Variants in MARCHF8 observed in about 807,000 individuals in gnomAD.
MARCHF8 encodes the protein membrane associated ring-CH-type finger 8, also known as E3 ubiquitin-protein ligase MARCHF8.
Under a neutral mutation model 51.6 loss-of-function variants are expected in MARCHF8, and 40 were observed. That is an observed-to-expected ratio of 0.77 (90% CI 0.60 to 1.01). The LOEUF is 1.01. Ranked by LOEUF, MARCHF8 falls within the 50% of genes least tolerant of loss-of-function variation. MARCHF8 has a pLI of 0.00. For missense variants in MARCHF8, 685 were observed against 708.6 expected (o/e 0.97, Z 0.38); for synonymous variants, 263 against 280.3 (o/e 0.94, Z 0.62).
chr10:45,591,556 T>C (rs1245421661), intron 1 of MARCHF8, among the ~76,000 whole-genome samples: 2 of 152,048 alleles, frequency 1.3e-5, no homozygotes, highest in South Asian at 2.1e-4. Flanking sequence ...AAGGAAGAAG[T>C]ACACAGGAGG....
At chr10:45,531,793 T>C (rs1430474498) in intron 2 of MARCHF8, among the ~76,000 whole-genome samples, 1 of 152,190 alleles carries the variant, frequency 6.6e-6, no homozygotes, top group Non-Finnish European at 1.5e-5. Flanking sequence ...ACTCTTCTTA[T>C]GGGACTCAGT....
chr10:45,492,303 T>TC (rs1263833420), intron 2 of MARCHF8, among the ~76,000 whole-genome samples: 4 of 151,814 alleles, frequency 2.6e-5, no homozygotes, highest in African/African-American at 7.3e-5. Context: ...TCTTCTTTTT[T>TC]TTTTTCTTTT....
chr10:45,535,071 T>C (rs939698202), intron 1 of MARCHF8, 140 bp downstream of exon 1: 1 of 152,216 alleles, frequency 6.6e-6, no homozygotes, highest in Non-Finnish European at 1.5e-5. Flanking sequence ...GAATAGGGGA[T>C]GTTAGTGTCT....
intron 3 of MARCHF8, among the ~76,000 whole-genome samples, chr10:45,484,004 G>A (rs920786551): frequency 2.0e-5 from 3 of 152,124 alleles, no homozygotes; most frequent in Non-Finnish European, 4.4e-5. Context: ...ACAGAGTAGG[G>A]TGACTACAGT....
chr10:45,487,542 C>A (rs1463623987), intron 3 of MARCHF8, among the ~76,000 whole-genome samples: 2 of 152,128 alleles, frequency 1.3e-5, no homozygotes, highest in Admixed American at 1.3e-4. Context: ...TTAAAAGGTG[C>A]AAAAATGGGC....
chr10:45,548,863 C>T (rs914382381), intron 1 of MARCHF8, among the ~76,000 whole-genome samples: 1 of 151,908 alleles, frequency 6.6e-6, no homozygotes, highest in Non-Finnish European at 1.5e-5. Context: ...AGAGTAGTGG[C>T]AGGCGCCTGT....
At chr10:45,525,571 A>G (rs1020235319) in intron 2 of MARCHF8, among the ~76,000 whole-genome samples, 1 of 152,214 alleles carries the variant, frequency 6.6e-6, no homozygotes, top group Non-Finnish European at 1.5e-5. Flanking sequence ...CATTCTTTAA[A>G]GTGGGCTATG....
At chr10:45,547,201 G>A (rs560300251) in intron 1 of MARCHF8, among the ~76,000 whole-genome samples, 1 of 152,218 alleles carries the variant, frequency 6.6e-6, no homozygotes, top group Admixed American at 6.5e-5. Flanking sequence ...AGTATATGAA[G>A]AAACTAAAAA....
At chr10:45,503,568 T>A (rs932213700) in intron 2 of MARCHF8, among the ~76,000 whole-genome samples, 5 of 148,522 alleles carry the variant, frequency 3.4e-5, no homozygotes, top group Non-Finnish European at 7.5e-5. Context: ...AATAAATAAA[T>A]AAAATAAAAA....
chr10:45,468,206 C>T (rs144778660), intron 3 of MARCHF8, among the ~76,000 whole-genome samples: 11 of 152,232 alleles, frequency 7.2e-5, no homozygotes, highest in East Asian at 3.9e-4. Flanking sequence ...AAAGAACATA[C>T]GGGGAAAAAA....
At chr10:45,519,335 G>C (rs1439993923) in intron 2 of MARCHF8, among the ~76,000 whole-genome samples, 1 of 152,178 alleles carries the variant, frequency 6.6e-6, no homozygotes, top group African/African-American at 2.4e-5. Flanking sequence ...ACAGATGCTA[G>C]TTTCTTGTAT....
intron 2 of MARCHF8, among the ~76,000 whole-genome samples, chr10:45,517,778 C>T (rs2043644061): frequency 1.3e-5 from 2 of 152,240 alleles, no homozygotes; most frequent in African/African-American, 4.8e-5. Context: ...CAGTGCCCTT[C>T]ACATTTTCTT....
At chr10:45,536,591 T>TAA (rs35718772), upstream of MARCHF8, among the ~76,000 whole-genome samples, 1 of 142,390 alleles carries the variant, frequency 7.0e-6, no homozygotes, top group Admixed American at 7.0e-5. Context: ...TTATAAATGT[T>TAA]AAAAAAAAAA....
intron 3 of MARCHF8, 31 bp from the exon 4 acceptor site, chr10:45,464,358 G>C: frequency 6.3e-7 from 1 of 1,592,566 alleles, no homozygotes; most frequent in African/African-American, 1.3e-5. Context: ...TCAGTGTTCA[G>C]GTAAGAGCCA....
chr10:45,485,069 G>C (rs1362068014), intron 3 of MARCHF8, among the ~76,000 whole-genome samples: 2 of 152,202 alleles, frequency 1.3e-5, no homozygotes, highest in African/African-American at 4.8e-5. Flanking sequence ...GGATGATGAA[G>C]AGGGATGAAC....
At chr10:45,504,786 G>A (rs901593589) in intron 2 of MARCHF8, among the ~76,000 whole-genome samples, 1 of 152,112 alleles carries the variant, frequency 6.6e-6, no homozygotes, top group African/African-American at 2.4e-5. Flanking sequence ...ATTCATGTTC[G>A]CGTATCTGGC....
chr10:45,467,328 A>G (rs1843003702), intron 3 of MARCHF8, among the ~76,000 whole-genome samples: 1 of 152,194 alleles, frequency 6.6e-6, no homozygotes, highest in African/African-American at 2.4e-5. Context: ...AAACTTCAAC[A>G]AATGCTAACT....
chr10:45,561,866 A>T (rs1292402412), intron 1 of MARCHF8, among the ~76,000 whole-genome samples: 2 of 144,684 alleles, frequency 1.4e-5, no homozygotes, highest in Non-Finnish European at 3.0e-5. Flanking sequence ...GAGCCTCTGC[A>T]CTCCAGCCTG....
chr10:45,458,469 A>C lies in MARCHF8; in HGVS notation c.1492T>G (p.Tyr498Asp). The stretch of plus-strand genomic sequence containing the variant: ...TGCACATACACTTTACACTGAACAT[A>C]CATAAAAAGAAGTCCTCCGGTGAAG... ...IGFTGGLLFM[Y>D]VQCKVYVQLW... The change falls in exon 8 of 8, where the codon TAT becomes GAT. Residue 498 changes from tyrosine to aspartate, a missense_variant. Tyr to Asp is a radical substitution (Grantham distance 160, BLOSUM62 -3). Coordinates refer to ENST00000453424, the MANE Select transcript of MARCHF8 (RefSeq NM_001282866.2). 1 of 1,613,646 alleles carries C rather than the reference A, an allele frequency of 6.2e-7. No individual in the cohort carries two copies. The highest frequency in any genetic ancestry group is 8.5e-7 in the Non-Finnish European group (1 of 1,179,870).
Sources: gnomAD v4.1 joint callset for allele counts (sites outside exome capture counted in the v4.1 genomes callset) on GRCh38, gnomAD v4.1.1 for gene constraint, MANE v1.5 for transcripts, NCBI Gene and HGNC (gene_info 2026-07-23, HGNC 2026-07-21) for gene names.